TRIM26: variants seen among roughly 807,000 people sequenced by gnomAD.
TRIM26 encodes tripartite motif-containing protein 26.
Under a neutral mutation model 45.5 loss-of-function variants are expected in TRIM26, and 16 were observed. That is an observed-to-expected ratio of 0.35 (90% CI 0.24 to 0.53). The LOEUF is 0.53. TRIM26 is among the 20% of genes least tolerant of loss of function. TRIM26 has a pLI of 0.92. For synonymous variants in TRIM26, 273 were observed against 290.4 expected (o/e 0.94, Z 0.61); for missense variants, 442 against 691.1 (o/e 0.64, Z 4.04).
In TRIM26 at chr6:30,196,760, G is replaced by A; in HGVS notation, c.535-14C>T. 6.2e-7 allele frequency: 1 copy of A among 1,613,486 alleles called. No homozygotes were observed. Among genetic ancestry groups the A allele is most frequent in the Non-Finnish European group, 8.5e-7 (1 of 1,179,572 alleles). On this transcript the variant is annotated splice_polypyrimidine_tract_variant and intron_variant, in intron 5 of 9. Transcript: ENST00000454678. The surrounding 1 kb of genome is among the most constrained non-coding windows in gnomAD (Gnocchi z 4.9). ...CTGGAGCTTCTTCTGCAGGGGGCAG[G>A]AAGGGGAGAAGGGCTGACACCTCTG...
intron 1 of TRIM26, among the ~76,000 whole-genome samples, chr6:30,213,024 C>T (rs1431926473): frequency 6.6e-6 from 1 of 152,166 alleles, no homozygotes; most frequent in Non-Finnish European, 1.5e-5. Context: ...GTCATCCAGG[C>T]CCCGCTTACT....
chr6:30,186,177 C>A lies in TRIM26; in HGVS notation c.1319G>T (p.Gly440Val). The change falls in exon 10 of 10, where the codon GGG becomes GTG. Residue 440 changes from glycine (G) to valine (V), a missense_variant. Physicochemically the swap from Gly to Val is moderately radical, Grantham distance 109 (BLOSUM62 -3). Coordinates refer to ENST00000454678, the MANE Select transcript of TRIM26 (RefSeq NM_003449.5). The surrounding 1 kb of genome is among the most constrained non-coding windows in gnomAD (Gnocchi z 7.4). ...CCTCTTCACAGAGTCTCTAGCCACC[C>A]CCACCATGCAGCTTTCCAGAACTTC... ...EEEVLESCMV[G>V]VARDSVKRKG... The A allele has an allele frequency of 6.3e-7, 1 of 1,597,526 alleles. No individual in the cohort carries two copies.
intron 3 of TRIM26, among the ~76,000 whole-genome samples, chr6:30,199,623 G>A (rs1021542127): frequency 1.4e-5 from 2 of 147,834 alleles, no homozygotes; most frequent in Non-Finnish European, 3.0e-5. Flanking sequence ...TCAAGAGACC[G>A]CCCGTTTTTT....
chr6:30,204,358 T>C (rs971571), intron 2 of TRIM26, among the ~76,000 whole-genome samples: 1,694 of 152,324 alleles, frequency 0.011, 24 homozygotes, highest in Middle Eastern at 0.031. Flanking sequence ...TGGAAGGGCT[T>C]TGTAAGCGGA....
At chr6:30,201,286 A>G (rs1777141475) in intron 2 of TRIM26, 148 bp from the exon 3 acceptor site, 1 of 152,248 alleles carries the variant, frequency 6.6e-6, no homozygotes, top group Non-Finnish European at 1.5e-5. Flanking sequence ...CAAAACAGGG[A>G]TATAACGTCC....
At chr6:30,187,987 A>T (rs1265034757) in intron 9 of TRIM26, among the ~76,000 whole-genome samples, 4 of 146,474 alleles carry the variant, frequency 2.7e-5, no homozygotes, top group Admixed American at 2.0e-4. Flanking sequence ...TGGGAGGCCG[A>T]GGCGGGTGGA....
rs1360869801 is a variant in TRIM26 at position 30,184,804 on chromosome 6, T to A, written c.*1072A>T. The A allele has an allele frequency of 6.6e-6, 1 of 152,140 alleles. No individual in the cohort carries two copies. 9.4% of individuals were successfully genotyped at this position (152,140 alleles called of 1,614,324 possible). A position where few individuals can be genotyped will look rare whatever the true frequency, so the allele number is the denominator to read the frequency against. On this transcript the variant is annotated 3_prime_UTR_variant, in exon 10 of 10. Transcript: ENST00000454678. The stretch of plus-strand genomic sequence containing the variant: ...TGGAGCAGGGGAGCTTGTGTTAAAC[T>A]GTGATGATGAGGGGCACCTGGACAG...
At position 30,197,004 on chromosome 6, in the gene TRIM26, C is replaced by T. The variant is rs142181155; in HGVS notation, c.535-258G>A. On this transcript the variant is annotated intron_variant, in intron 5 of 9. Coordinates refer to ENST00000454678, the MANE Select transcript of TRIM26 (RefSeq NM_003449.5). ...CTCCACCTGACTGGTCAGCCACAAT[C>T]TGTTCTAGCTAAACCAGTACGCTCT... is the stretch of plus-strand genomic sequence containing the variant. Among the ~76,000 whole-genome samples, 677 of 152,342 alleles carry T rather than the reference C, an allele frequency of 4.4e-3. 2 individuals are homozygous for T. Among genetic ancestry groups the T allele is most frequent in the African/African-American group, 0.011 (477 of 41,578 alleles).
At position 30,190,252 on chromosome 6, in the gene TRIM26, G is replaced by A. The variant is rs1022248057; in HGVS notation, c.766-217C>T. On this transcript the variant is annotated intron_variant, in intron 6 of 9. Transcript: ENST00000454678. This position sits in a 1 kb window ranked among gnomAD's most constrained non-coding sequence, Gnocchi z 4.3. ...ACAGAAGCCACAATGGCTGGGAGAT[G>A]ACATGGGCAACCTCTCTGGGAGATA... 4.9e-6 allele frequency: 3 copies of A among 612,858 alleles called. No homozygotes were observed. Among genetic ancestry groups the A allele is most frequent in the Non-Finnish European group, 8.7e-6 (3 of 344,724 alleles). 38.0% of individuals were successfully genotyped at this position (612,858 alleles called of 1,614,324 possible).
chr6:30,199,800 C>T lies in TRIM26; in HGVS notation c.-161-536G>A, dbSNP rs1307676429. 2.0e-5 allele frequency among the ~76,000 whole-genome samples: 3 copies of T among 152,102 alleles called. No individual in the cohort carries two copies. In the East Asian group the frequency reaches 5.8e-4, roughly 29 times the overall value. On this transcript the variant is annotated intron_variant, in intron 3 of 9. Transcript: ENST00000454678. Reference sequence around the variant, plus strand: ...TACAGGCACCCACCACCACACCTGGCTAATTTTTTGTATTTTTAGTAGAGA... The same window carrying T: ...TACAGGCACCCACCACCACACCTGGTTAATTTTTTGTATTTTTAGTAGAGA...
intron 9 of TRIM26, chr6:30,188,151 C>T (rs71561359): frequency 0.059 from 9,015 of 153,712 alleles, 357 homozygotes; most frequent in African/African-American, 0.1. Flanking sequence ...CCCCAGGAGG[C>T]GGAGCCTGCA....
At chr6:30,193,183 T>TATATATATATATATATATATA (rs1554201635) in intron 6 of TRIM26, among the ~76,000 whole-genome samples, 2 of 41,194 alleles carry the variant, frequency 4.9e-5, no homozygotes, top group African/African-American at 1.2e-4. Flanking sequence ...TATATATATA[T>TATATATATATATATATATATA]TTTTTTTTTT....
At chr6:30,211,917 C>T (rs200851051) in intron 1 of TRIM26, among the ~76,000 whole-genome samples, 2 of 152,082 alleles carry the variant, frequency 1.3e-5, no homozygotes, top group East Asian at 3.9e-4. Context: ...AGATACTTGC[C>T]CTCAAGAAGG....
chr6:30,195,265 G>A (rs1437655832), intron 6 of TRIM26, among the ~76,000 whole-genome samples: 1 of 152,194 alleles, frequency 6.6e-6, no homozygotes, highest in Non-Finnish European at 1.5e-5. Flanking sequence ...AGGAGAGGAA[G>A]GAGAAGAGAA....
Position 30,209,697 on chromosome 6 carries a change from T to C in TRIM26, c.-376+3608A>G, listed in dbSNP as rs1262871649. Among the ~76,000 whole-genome samples the C allele has an allele frequency of 6.6e-6, 1 of 152,158 alleles. No homozygotes were observed. Among genetic ancestry groups the C allele is most frequent in the Non-Finnish European group, 1.5e-5 (1 of 68,020 alleles). On this transcript the variant is annotated intron_variant, in intron 1 of 9. Transcript: ENST00000454678. The surrounding 1 kb of genome is among the most constrained non-coding windows in gnomAD (Gnocchi z 4.8). Reference sequence around the variant, plus strand: ...CAGGATCTCATCCTTGTTATTCTCCTGCTTCAAATCTCCTAGCTGAGGCTG... The same window carrying C: ...CAGGATCTCATCCTTGTTATTCTCCCGCTTCAAATCTCCTAGCTGAGGCTG...
chr6:30,193,174 ATATATATATTTTT>A (rs1298841961), intron 6 of TRIM26, among the ~76,000 whole-genome samples: 1 of 55,416 alleles, frequency 1.8e-5, no homozygotes, highest in Non-Finnish European at 3.0e-5. Flanking sequence ...ATATATATAT[ATATATATATTTTT>A]TTTTTTTTTT....
chr6:30,205,999 A>T (rs1013632717), intron 1 of TRIM26, among the ~76,000 whole-genome samples: 1 of 152,236 alleles, frequency 6.6e-6, no homozygotes, highest in Non-Finnish European at 1.5e-5. Context: ...CTTCTCAAGC[A>T]TATGTCTGGA....
At chr6:30,197,208 C>T (rs931870481) in intron 5 of TRIM26, among the ~76,000 whole-genome samples, 1 of 152,202 alleles carries the variant, frequency 6.6e-6, no homozygotes, top group Non-Finnish European at 1.5e-5. Flanking sequence ...CCCACCCCTG[C>T]CATGTAAGAC....
intron 6 of TRIM26, among the ~76,000 whole-genome samples, chr6:30,191,971 A>G (rs1775890816): frequency 6.6e-6 from 1 of 152,248 alleles, no homozygotes; most frequent in Non-Finnish European, 1.5e-5. Context: ...CTAGAACAGT[A>G]GAAAGGGAGA....
Sources: gnomAD v4.1 joint callset for allele counts (sites outside exome capture counted in the v4.1 genomes callset) on GRCh38, gnomAD v4.1.1 for gene constraint, Gnocchi (gnomAD v3.1) non-coding constraint, MANE v1.5 for transcripts, NCBI Gene and HGNC (gene_info 2026-07-23, HGNC 2026-07-21) for gene names.